Variants in PDE4D observed in about 807,000 individuals in gnomAD.
The protein encoded by PDE4D is 3',5'-cyclic-AMP phosphodiesterase 4D.
PDE4D carries 24 observed loss-of-function variants against 87.4 expected under a neutral mutation model. The observed-to-expected ratio is 0.27, with a 90% CI of 0.20 to 0.39. The LOEUF (loss-of-function observed/expected upper bound fraction) is 0.39. Among genes scored for constraint, PDE4D ranks in the 10% least tolerant of loss-of-function variants. PDE4D has a pLI of 1.00. For missense variants in PDE4D, 714 were observed against 1,041.0 expected (o/e 0.69, Z 4.32); for synonymous variants, 384 against 383.2 (o/e 1.00, Z -0.02).
intron 1 of PDE4D, among the ~76,000 whole-genome samples, chr5:60,303,876 T>C (rs1055725810): frequency 2.6e-5 from 4 of 152,240 alleles, no homozygotes. Context: ...ATGATCTGTC[T>C]AATATTGTCA....
At chr5:59,955,927 A>C (rs1216733665) in intron 3 of PDE4D, among the ~76,000 whole-genome samples, 1 of 152,102 alleles carries the variant, frequency 6.6e-6, no homozygotes, top group Non-Finnish European at 1.5e-5. Flanking sequence ...TCCTCTCTAA[A>C]TTCCTTTTGT....
chr5:59,463,308 A>G (rs1801057257), intron 1 of PDE4D, among the ~76,000 whole-genome samples: 1 of 152,226 alleles, frequency 6.6e-6, no homozygotes, highest in Admixed American at 6.6e-5. Context: ...TTTACTGATT[A>G]TAGTAACCAC....
At chr5:60,108,051 A>G (rs918483759) in intron 2 of PDE4D, among the ~76,000 whole-genome samples, 10 of 152,146 alleles carry the variant, frequency 6.6e-5, no homozygotes, top group African/African-American at 2.2e-4. Flanking sequence ...TTCAGTTAGG[A>G]AAAGAGGAAG....
At chr5:59,503,513 T>C (rs7706227) in intron 1 of PDE4D, among the ~76,000 whole-genome samples, 24,280 of 152,132 alleles carry the variant, frequency 0.16, 2,043 homozygotes, top group African/African-American at 0.19. Context: ...ATAGGTATTA[T>C]GATCCACAGC....
At chr5:60,372,661 A>G (rs1048372089) in intron 1 of PDE4D, 2 of 152,080 alleles carry the variant, frequency 1.3e-5, no homozygotes, top group African/African-American at 2.4e-5. Context: ...ACCTGTAATC[A>G]CTGAGAAAAT....
At chr5:60,154,348 C>T (rs1781777785) in intron 2 of PDE4D, among the ~76,000 whole-genome samples, 1 of 152,006 alleles carries the variant, frequency 6.6e-6, no homozygotes, top group Admixed American at 6.6e-5. Context: ...ACCATCTTGG[C>T]TCACTGAGAA....
At chr5:59,028,688 ATGAATT>A (rs1216282079) in intron 6 of PDE4D, among the ~76,000 whole-genome samples, 1 of 152,122 alleles carries the variant, frequency 6.6e-6, no homozygotes, top group Non-Finnish European at 1.5e-5. Context: ...TGAATATTTT[ATGAATT>A]GGAATATTTC....
chr5:59,033,465 T>A (rs901401576), intron 6 of PDE4D, among the ~76,000 whole-genome samples: 5 of 152,156 alleles, frequency 3.3e-5, no homozygotes, highest in African/African-American at 1.2e-4. Flanking sequence ...AATCTACAGT[T>A]CTAGAAAAAG....
chr5:59,177,006 G>T (rs1300996048), intron 5 of PDE4D, among the ~76,000 whole-genome samples: 2 of 152,156 alleles, frequency 1.3e-5, no homozygotes, highest in African/African-American at 4.8e-5. Flanking sequence ...TTCTCTCACT[G>T]TTCCCTTTCC....
At chr5:59,927,621 G>A (rs1755434287) in intron 3 of PDE4D, among the ~76,000 whole-genome samples, 1 of 152,170 alleles carries the variant, frequency 6.6e-6, no homozygotes, top group Non-Finnish European at 1.5e-5. Flanking sequence ...TTTGATTCAA[G>A]TGCTGCTTTC....
At chr5:59,033,926 A>G (rs897184995) in intron 6 of PDE4D, among the ~76,000 whole-genome samples, 2 of 152,174 alleles carry the variant, frequency 1.3e-5, no homozygotes, top group African/African-American at 4.8e-5. Context: ...TTAAACTTTC[A>G]CTAAATACTG....
intron 1 of PDE4D, among the ~76,000 whole-genome samples, chr5:60,234,694 T>C (rs1746224699): frequency 1.3e-5 from 2 of 151,868 alleles, no homozygotes; most frequent in Non-Finnish European, 2.9e-5. Context: ...TGTGGGAAAT[T>C]TTAAAATTAG....
chr5:59,202,949 T>C (rs780992509), intron 2 of PDE4D, among the ~76,000 whole-genome samples: 3 of 152,176 alleles, frequency 2.0e-5, no homozygotes, highest in African/African-American at 2.4e-5. Context: ...TTTAAACTGT[T>C]TGCTCACATC....
intron 2 of PDE4D, among the ~76,000 whole-genome samples, chr5:60,132,859 GA>G (rs1011044022): frequency 1.1e-4 from 17 of 149,156 alleles, no homozygotes; most frequent in South Asian, 2.1e-4. Flanking sequence ...TATACCTCGA[GA>G]AAAAAAAAAT....
At chr5:59,451,269 C>T (rs1318425093) in intron 1 of PDE4D, among the ~76,000 whole-genome samples, 1 of 152,158 alleles carries the variant, frequency 6.6e-6, no homozygotes, top group Non-Finnish European at 1.5e-5. Flanking sequence ...TTCATTTCAG[C>T]TTTGTCTTCA....
At chr5:60,008,729 T>C (rs1377025128) in intron 2 of PDE4D, among the ~76,000 whole-genome samples, 2 of 152,092 alleles carry the variant, frequency 1.3e-5, no homozygotes, top group African/African-American at 2.4e-5. Flanking sequence ...TATTGATTTA[T>C]GCTTCTGTAA....
rs143907674 is a variant in PDE4D at position 59,651,276 on chromosome 5, T to C, written c.455+241892A>G. On this transcript the variant is annotated intron_variant, in intron 1 of 14. Coordinates refer to ENST00000340635, the MANE Select transcript of PDE4D (RefSeq NM_001104631.2). Reference sequence around the variant, plus strand: ...GTCTCAACAATAATAATAATAATAATAATAATAATAATAATAATAATAATA... The same window carrying C: ...GTCTCAACAATAATAATAATAATAACAATAATAATAATAATAATAATAATA... Among the ~76,000 whole-genome samples the C allele has an allele frequency of 5.5e-4, 79 of 142,430 alleles. 2 individuals carry two copies. Among genetic ancestry groups the C allele is most frequent in the African/African-American group, 1.4e-3 (51 of 36,706 alleles). 93.4% of individuals were successfully genotyped at this position (142,430 alleles called of 152,430 possible).
chr5:59,148,754 G>GGGGT (rs71578631), intron 5 of PDE4D, among the ~76,000 whole-genome samples: 9 of 145,482 alleles, frequency 6.2e-5, no homozygotes, highest in Admixed American at 1.4e-4. Flanking sequence ...AATATATAGC[G>GGGGT]GTGTGTGTGT....
At chr5:59,475,233 G>A (rs182156305) in intron 1 of PDE4D, among the ~76,000 whole-genome samples, 6 of 152,020 alleles carry the variant, frequency 3.9e-5, no homozygotes, top group East Asian at 3.9e-4. Flanking sequence ...ATTAGCTTAC[G>A]GGGCCTGCAA....
Sources: allele counts gnomAD v4.1 joint callset (sites outside exome capture counted in the v4.1 genomes callset), GRCh38; gene constraint gnomAD v4.1.1; transcripts MANE v1.5; gene names NCBI Gene and HGNC (gene_info 2026-07-23, HGNC 2026-07-21).